YTHDF1: variants seen among roughly 807,000 people sequenced by gnomAD.
YTHDF1 encodes YTH N6-methyladenosine RNA binding protein F1, also known as YTH domain-containing family protein 1.
Under a neutral mutation model 49.1 loss-of-function variants are expected in YTHDF1, and 16 were observed. That is an observed-to-expected ratio of 0.33 (90% confidence interval 0.22 to 0.49). YTHDF1 has a LOEUF of 0.49. Among genes scored for constraint, YTHDF1 ranks in the 20% least tolerant of loss-of-function variants. YTHDF1 has a pLI of 0.99. For synonymous variants in YTHDF1, 313 were observed against 290.1 expected, an observed-to-expected ratio of 1.08 and a Z score of -0.80; for missense variants, 621 against 744.3, an observed-to-expected ratio of 0.83 and a Z score of 1.93.
chr20:63,203,421 G>A lies in YTHDF1; in HGVS notation c.519C>T (p.Thr173=). 2.5e-6 allele frequency: 4 copies of A among 1,612,846 alleles called. No homozygotes were observed. The highest frequency in any genetic ancestry group is 3.4e-6 in the Non-Finnish European group (4 of 1,179,622). ...TGTTCATCCCGGGGGCCTTGCTGAG[G>A]GTGTCGCTGTGAAAGCCTGGCTGCC... ...VDGQPGFHSD[T]LSKAPGMNSL... Residue 173 remains threonine (T), a synonymous_variant, in exon 4 of 5, where the codon ACC becomes ACT. Coordinates refer to ENST00000370339, the MANE Select transcript of YTHDF1 (RefSeq NM_017798.4). The surrounding 1 kb of genome is among the most constrained non-coding windows in gnomAD (Gnocchi z 4.4).
At chr20:63,205,917 G>A (rs2066543633) in intron 3 of YTHDF1, among the ~76,000 whole-genome samples, 1 of 152,200 alleles carries the variant, frequency 6.6e-6, no homozygotes, top group African/African-American at 2.4e-5. Context: ...CCACAAACAT[G>A]AGATTAATCT....
At chr20:63,205,738 A>G (rs757994733) in intron 3 of YTHDF1, among the ~76,000 whole-genome samples, 1 of 151,978 alleles carries the variant, frequency 6.6e-6, no homozygotes, top group Non-Finnish European at 1.5e-5. Flanking sequence ...CGAACTCCCA[A>G]CCTCAGGTGA....
intron 2 of YTHDF1, among the ~76,000 whole-genome samples, chr20:63,215,354 G>A (rs1019444476): frequency 2.0e-5 from 3 of 152,220 alleles, no homozygotes; most frequent in African/African-American, 7.2e-5. Flanking sequence ...GCGGTGGGGA[G>A]AGACGGGCCC....
chr20:63,213,422 G>A (rs1187588329), intron 3 of YTHDF1, among the ~76,000 whole-genome samples: 1 of 152,178 alleles, frequency 6.6e-6, no homozygotes, highest in South Asian at 2.1e-4. Context: ...GCAAGAGTGA[G>A]ACGCTGTCTC....
intron 3 of YTHDF1, among the ~76,000 whole-genome samples, chr20:63,209,908 T>C (rs368060901): frequency 5.3e-5 from 8 of 152,218 alleles, no homozygotes; most frequent in African/African-American, 1.7e-4. Context: ...AGAACCTGCC[T>C]GAGGCTGCTT....
At chr20:63,197,238 G>C (rs2066496306) in intron 4 of YTHDF1, among the ~76,000 whole-genome samples, 1 of 152,200 alleles carries the variant, frequency 6.6e-6, no homozygotes. Flanking sequence ...GCTGTGTCAT[G>C]TGGCTAATGA....
intron 4 of YTHDF1, among the ~76,000 whole-genome samples, chr20:63,199,206 A>T (rs1431742275): frequency 6.6e-6 from 1 of 152,342 alleles, no homozygotes; most frequent in East Asian, 1.9e-4. Flanking sequence ...TCTCCTCGGC[A>T]CACTACTTTG....
chr20:63,213,293 G>A lies in YTHDF1; in HGVS notation c.132+571C>T, dbSNP rs560421318. ...CTAAAAATACAAAAATTAGCTAGAC[G>A]TGGTAGTGGGTGCCTGCAATTCCAG... On this transcript the variant is annotated intron_variant, in intron 3 of 4. Transcript: ENST00000370339. Among the ~76,000 whole-genome samples the A allele has an allele frequency of 1.6e-4, 24 of 152,332 alleles. 1 individual carries two copies. The South Asian group carries it at 2.7e-3, about 17-fold the overall frequency.
At chr20:63,202,266 G>A (rs1338288435) in intron 4 of YTHDF1, 21 bp downstream of exon 4, 1 of 1,600,860 alleles carries the variant, frequency 6.2e-7, no homozygotes, top group African/African-American at 1.3e-5. Flanking sequence ...CATGGCAGTT[G>A]CCTGCAACAC....
chr20:63,213,790 C>T (rs1418033919), intron 3 of YTHDF1, 74 bp downstream of exon 3: 3 of 1,337,878 alleles, frequency 2.2e-6, no homozygotes, highest in Non-Finnish European at 3.1e-6. Flanking sequence ...ATTTAAAAAT[C>T]AGAAATGACA....
At chr20:63,211,095 T>C (rs913340490) in intron 3 of YTHDF1, among the ~76,000 whole-genome samples, 10 of 124,848 alleles carry the variant, frequency 8.0e-5, no homozygotes, top group Non-Finnish European at 1.2e-4. Context: ...CCATTCTAAG[T>C]ATGACAGTTT....
chr20:63,206,096 G>C (rs922714000), intron 3 of YTHDF1, among the ~76,000 whole-genome samples: 7 of 152,216 alleles, frequency 4.6e-5, no homozygotes, highest in Non-Finnish European at 7.3e-5. Context: ...GTGCCTTCAA[G>C]GACGGCAGGC....
chr20:63,200,113 C>A (rs1055979933), intron 4 of YTHDF1, among the ~76,000 whole-genome samples: 15 of 152,104 alleles, frequency 9.9e-5, no homozygotes, highest in African/African-American at 3.6e-4. Flanking sequence ...GTAATCCCAG[C>A]ACTTTGGGAG....
chr20:63,206,036 CAG>C (rs1472718019), intron 3 of YTHDF1, among the ~76,000 whole-genome samples: 1 of 151,590 alleles, frequency 6.6e-6, no homozygotes, highest in Non-Finnish European at 1.5e-5. Context: ...GTGAGCGAAT[CAG>C]GGGGGCGGTC....
Position 63,202,940 on chromosome 20 carries a change from T to C in YTHDF1, c.1000A>G (p.Arg334Gly). 6.2e-7 allele frequency: 1 copy of C among 1,614,080 alleles called. No individual in the cohort carries two copies. The highest frequency in any genetic ancestry group is 8.5e-7 in the Non-Finnish European group (1 of 1,180,050). The change falls in exon 4 of 5, where the codon AGA (arginine) becomes GGA (glycine). Residue 334 changes from arginine to glycine, a missense_variant. By Grantham distance (125) the Arg-to-Gly change is moderately radical (BLOSUM62 -2). Transcript: ENST00000370339. ...PQTRWVAPRNRNAAFGQSGGA... is the reference protein window; with the variant it reads ...PQTRWVAPRNGNAAFGQSGGA... ...CCGCTCTGCCCAAACGCCGCGTTTC[T>C]GTTGCGTGGGGCAACCCAGCGGGTC... is the stretch of plus-strand genomic sequence containing the variant.
intron 3 of YTHDF1, among the ~76,000 whole-genome samples, chr20:63,204,428 T>C (rs2066534989): frequency 6.6e-6 from 1 of 152,202 alleles, no homozygotes. Context: ...ACACCCTTCC[T>C]AGCAGATGGC....
chr20:63,207,265 A>G lies in YTHDF1; in HGVS notation c.133-3458T>C, dbSNP rs557097362. On this transcript the variant is annotated intron_variant, in intron 3 of 4. Transcript: ENST00000370339. Reference sequence around the variant, plus strand: ...GGACGGATCACAAGGTCAGGAGATCAAGACCATCCTGGCTAACACTGTAAA... The same window carrying G: ...GGACGGATCACAAGGTCAGGAGATCGAGACCATCCTGGCTAACACTGTAAA... Among the ~76,000 whole-genome samples the G allele has an allele frequency of 1.6e-4, 25 of 151,922 alleles. No homozygotes were observed. In the East Asian group the frequency reaches 3.7e-3, roughly 23 times the overall value.
Position 63,215,852 on chromosome 20 carries a change from C to T in YTHDF1, c.27+14G>A, listed in dbSNP as rs2066599710. ...TCGGCCCCGGCCGCGGCCCCTGTAA[C>T]CCGGCCCCGCTACCTGGGTGTCCAC... is the stretch of plus-strand genomic sequence containing the variant. On this transcript the variant is annotated intron_variant, in intron 1 of 4. Coordinates refer to ENST00000370339, the MANE Select transcript of YTHDF1 (RefSeq NM_017798.4). 3 of 1,457,696 alleles carry T rather than the reference C, an allele frequency of 2.1e-6. No individual in the cohort carries two copies. Among genetic ancestry groups the T allele is most frequent in the Non-Finnish European group, 2.7e-6 (3 of 1,105,956 alleles). 90.3% of individuals were successfully genotyped at this position (1,457,696 alleles called of 1,614,324 possible). A position where few individuals can be genotyped will look rare whatever the true frequency, so the allele number is the denominator to read the frequency against.
intron 3 of YTHDF1, among the ~76,000 whole-genome samples, chr20:63,207,627 T>C (rs1188479031): frequency 6.6e-6 from 1 of 152,196 alleles, no homozygotes; most frequent in Admixed American, 6.5e-5. Context: ...TGCAGCCGCC[T>C]CCACAGAAGA....
Sources: allele counts gnomAD v4.1 joint callset (sites outside exome capture counted in the v4.1 genomes callset), GRCh38; gene constraint gnomAD v4.1.1; non-coding constraint Gnocchi (gnomAD v3.1); transcripts MANE v1.5; gene names NCBI Gene and HGNC (gene_info 2026-07-23, HGNC 2026-07-21).